ADAMTSL3: variants seen among roughly 807,000 people sequenced by gnomAD.
ADAMTSL3 encodes the protein ADAMTS-like protein 3.
ADAMTSL3 carries 128 observed loss-of-function variants against 201.7 expected under a neutral mutation model. The ratio of observed to expected loss-of-function variants is 0.63; its 90% CI spans 0.55 to 0.73. ADAMTSL3 has a LOEUF of 0.73. ADAMTSL3 is among the 30% of genes least tolerant of loss of function. The pLI is 0.00. For synonymous variants in ADAMTSL3, 738 were observed against 748.4 expected (o/e 0.99, Z 0.23); for missense variants, 1,990 against 2,119.6 (o/e 0.94, Z 1.20).
chr15:83,729,690 A>T (rs2062234763), intron 3 of ADAMTSL3, among the ~76,000 whole-genome samples: 1 of 152,012 alleles, frequency 6.6e-6, no homozygotes, highest in East Asian at 1.9e-4. Flanking sequence ...TGAGCTTCTC[A>T]AAACAGCTAT....
At chr15:83,826,660 C>A (rs1036332637) in intron 6 of ADAMTSL3, among the ~76,000 whole-genome samples, 1 of 123,742 alleles carries the variant, frequency 8.1e-6, no homozygotes, top group Non-Finnish European at 1.7e-5. Flanking sequence ...TCCCTCCCCC[C>A]TCCCCCCACC....
At position 83,657,120 on chromosome 15, in the gene ADAMTSL3, G is replaced by T. The variant is rs182595189; in HGVS notation, c.69+1290G>T. Among the ~76,000 whole-genome samples the T allele has an allele frequency of 7.9e-5, 12 of 152,340 alleles. No homozygotes were observed. The South Asian group carries it at 2.3e-3, about 29-fold the overall frequency. On this transcript the variant is annotated intron_variant, in intron 2 of 29. Coordinates refer to ENST00000286744, the MANE Select transcript of ADAMTSL3 (RefSeq NM_207517.3). ...GCGAGATGACTGTTGAGGTAAAAGC[G>T]TGGAGACTTACGTTTCTGTCTCATC...
At chr15:83,964,762 G>T (rs985954254) in intron 19 of ADAMTSL3, among the ~76,000 whole-genome samples, 1 of 152,174 alleles carries the variant, frequency 6.6e-6, no homozygotes, top group Non-Finnish European at 1.5e-5. Context: ...AATGTTAAGG[G>T]CAGCCAGAGA....
At chr15:83,814,901 TTAGA>T (rs1399824476) in intron 5 of ADAMTSL3, among the ~76,000 whole-genome samples, 1 of 152,164 alleles carries the variant, frequency 6.6e-6, no homozygotes, top group African/African-American at 2.4e-5. Context: ...ACTCAGTTTA[TTAGA>T]TAATCTTTCA....
chr15:83,948,625 C>G (rs1033024581), intron 19 of ADAMTSL3, among the ~76,000 whole-genome samples: 9 of 152,076 alleles, frequency 5.9e-5, no homozygotes, highest in African/African-American at 2.2e-4. Context: ...AATATCAGAC[C>G]TCTGGGTGAA....
intron 16 of ADAMTSL3, among the ~76,000 whole-genome samples, chr15:83,914,120 C>T (rs758256795): frequency 2.0e-5 from 3 of 152,188 alleles, no homozygotes; most frequent in Admixed American, 6.5e-5. Flanking sequence ...CCTGTCACCC[C>T]GTCCCCTCAT....
chr15:83,773,679 T>A (rs1001791585), intron 4 of ADAMTSL3, 29 bp downstream of exon 4: 19 of 1,598,890 alleles, frequency 1.2e-5, no homozygotes, highest in Non-Finnish European at 1.5e-5. Flanking sequence ...TGCTCCTGCA[T>A]GTGGAATGTG....
intron 4 of ADAMTSL3, among the ~76,000 whole-genome samples, chr15:83,787,054 T>C (rs1178784728): frequency 2.6e-5 from 4 of 152,202 alleles, no homozygotes; most frequent in Non-Finnish European, 5.9e-5. Flanking sequence ...TCTTTCCGCC[T>C]AAATCATCCT....
In ADAMTSL3 at chr15:83,845,756, A is replaced by G. The variant is rs528797018; in HGVS notation, c.727+7541A>G. On this transcript the variant is annotated intron_variant, in intron 7 of 29. Coordinates refer to ENST00000286744, the MANE Select transcript of ADAMTSL3 (RefSeq NM_207517.3). ...ACAGTGATGGCTTGTCTTTATTCTTAAAGGGCCCAGGAAATTTTAGATACA... is the reference window on the plus strand; with the variant it reads ...ACAGTGATGGCTTGTCTTTATTCTTGAAGGGCCCAGGAAATTTTAGATACA... 2.8e-4 allele frequency among the ~76,000 whole-genome samples: 43 copies of G among 152,318 alleles called. No individual in the cohort carries two copies. In the South Asian group the frequency reaches 8.7e-3, roughly 31 times the overall value.
chr15:83,751,938 G>A (rs1204981654), intron 3 of ADAMTSL3, among the ~76,000 whole-genome samples: 1 of 152,210 alleles, frequency 6.6e-6, no homozygotes, highest in Non-Finnish European at 1.5e-5. Flanking sequence ...ATAGTAGCGT[G>A]AGAAATGTGA....
At position 83,983,279 on chromosome 15, in the gene ADAMTSL3, T is replaced by C; in HGVS notation, c.3651T>C (p.Leu1217=). 1 of 1,605,642 alleles carries C rather than the reference T, an allele frequency of 6.2e-7. No homozygotes were observed. Among genetic ancestry groups the C allele is most frequent in the Admixed American group, 1.7e-5 (1 of 58,886 alleles). Reference sequence around the variant, plus strand: ...AGGTCATCAATATACTGTGTGACCTTATTACCCCCAGTGAGGCCACATATA... The same window carrying C: ...AGGTCATCAATATACTGTGTGACCTCATTACCCCCAGTGAGGCCACATATA... ...RTEVINILCD[L]ITPSEATYTW... is the part of the protein sequence containing the mutation. The change falls in exon 21 of 30, where the codon CTT becomes CTC. Residue 1217 remains leucine (L), a synonymous_variant. Transcript: ENST00000286744.
intron 15 of ADAMTSL3, among the ~76,000 whole-genome samples, chr15:83,910,823 A>G (rs1596392814): frequency 6.7e-6 from 1 of 148,564 alleles, no homozygotes; most frequent in Non-Finnish European, 1.5e-5. Context: ...TTTTTTAAGT[A>G]GAGACGGAGT....
chr15:83,805,895 A>G (rs146419857), intron 5 of ADAMTSL3, among the ~76,000 whole-genome samples: 87 of 152,316 alleles, frequency 5.7e-4, no homozygotes, highest in African/African-American at 1.9e-3. Context: ...AGTAGCCCCT[A>G]TTACCACTGC....
At chr15:83,975,637 A>T (rs981226294) in intron 20 of ADAMTSL3, among the ~76,000 whole-genome samples, 4 of 152,212 alleles carry the variant, frequency 2.6e-5, no homozygotes, top group Non-Finnish European at 5.9e-5. Flanking sequence ...TTCACAGAGG[A>T]GGAACTCTTG....
intron 17 of ADAMTSL3, 115 bp downstream of exon 17, chr15:83,924,148 C>A: frequency 7.4e-7 from 1 of 1,346,664 alleles, no homozygotes. Flanking sequence ...ATGTGCTAAG[C>A]CTGCTTCAGA....
chr15:83,747,347 T>C (rs2062562785), intron 3 of ADAMTSL3, among the ~76,000 whole-genome samples: 1 of 152,238 alleles, frequency 6.6e-6, no homozygotes. Flanking sequence ...TGAAACAACA[T>C]TTCATTATTT....
At chr15:83,741,641 TAA>T (rs2062457079) in intron 3 of ADAMTSL3, among the ~76,000 whole-genome samples, 1 of 152,138 alleles carries the variant, frequency 6.6e-6, no homozygotes, top group Non-Finnish European at 1.5e-5. Flanking sequence ...TCTAAACATT[TAA>T]GAAAACCAAC....
intron 3 of ADAMTSL3, among the ~76,000 whole-genome samples, chr15:83,751,276 T>C (rs1053567180): frequency 6.6e-6 from 1 of 152,212 alleles, no homozygotes; most frequent in African/African-American, 2.4e-5. Context: ...GTTATTAAAA[T>C]TTTGGCATTT....
Position 83,655,135 on chromosome 15 carries a change from G to GT in ADAMTSL3, c.-33-592dup, listed in dbSNP as rs544134351. On this transcript the variant is annotated intron_variant, in intron 1 of 29. Transcript: ENST00000286744. ...CCCTCACCTACTTTTAGGAGATTGT[G>GT]TTAGGCTGGCTCAGGGGCTGTGTCC... 4.7e-3 allele frequency among the ~76,000 whole-genome samples: 709 copies of GT among 152,304 alleles called. 3 individuals are homozygous for GT. The highest frequency in any genetic ancestry group is 0.016 in the African/African-American group (671 of 41,572).
Sources: allele counts gnomAD v4.1 joint callset (sites outside exome capture counted in the v4.1 genomes callset), GRCh38; gene constraint gnomAD v4.1.1; transcripts MANE v1.5; gene names NCBI Gene and HGNC (gene_info 2026-07-23, HGNC 2026-07-21).